The following SLC15A2 variants were observed in gnomAD, a reference collection of about 807,000 sequenced individuals.
SLC15A2 encodes solute carrier family 15 member 2, also known as kidney H(+)/peptide cotransporter.
In SLC15A2, 77 loss-of-function variants were observed where a neutral mutation model predicts 95.5. That is an observed-to-expected ratio of 0.81 (90% CI 0.67 to 0.97). The LOEUF is 0.97. Among genes scored for constraint, SLC15A2 ranks in the 50% least tolerant of loss-of-function variants. The pLI is 0.00. For missense variants in SLC15A2, 893 were observed against 874.4 expected (o/e 1.02, Z -0.27); for synonymous variants, 306 against 306.9 (o/e 1.00, Z 0.03).
chr3:121,896,314 G>A (rs2107563458), intron 1 of SLC15A2, 92 bp from the exon 2 acceptor site: 1 of 998,944 alleles, frequency 1.0e-6, no homozygotes. Flanking sequence ...AAGATGATTT[G>A]AAATAAATGA....
intron 21 of SLC15A2, 132 bp downstream of exon 21, chr3:121,940,620 C>G: frequency 1.2e-6 from 1 of 847,254 alleles, no homozygotes; most frequent in Non-Finnish European, 1.9e-6. Context: ...GTTAGATATA[C>G]AGACTTTACC....
In SLC15A2 at chr3:121,928,999, C is replaced by T. The variant is rs1237348949; in HGVS notation, c.1359C>T (p.Ser453=). ...IKSFQKTPHY[S]KLHLKTKSQD... The stretch of plus-strand genomic sequence containing the variant: ...TTTTACAGAAAACACCACACTATTC[C>T]AAACTGCACCTGAAAACAAAAAGCC... The change falls in exon 16 of 22, where the codon TCC becomes TCT. Residue 453 remains serine (S), a synonymous_variant. Coordinates refer to ENST00000489711, the MANE Select transcript of SLC15A2 (RefSeq NM_021082.4). The T allele has an allele frequency of 2.5e-6, 4 of 1,613,980 alleles. No individual in the cohort carries two copies. Among genetic ancestry groups the T allele is most frequent in the Non-Finnish European group, 3.4e-6 (4 of 1,179,934 alleles).
At position 121,915,701 on chromosome 3, in the gene SLC15A2, C is replaced by A. The variant is rs1365574281; in HGVS notation, c.697+8C>A. ...TCATGGTAATTGCACTTGGTAAGTG[C>A]AGTGAAGCAAAGGAAACTAATAATC... is the stretch of plus-strand genomic sequence containing the variant. On this transcript the variant is annotated splice_region_variant and intron_variant, in intron 7 of 21. Transcript: ENST00000489711. The A allele has an allele frequency of 6.2e-7, 1 of 1,604,754 alleles. No individual in the cohort carries two copies. The highest frequency in any genetic ancestry group is 8.5e-7 in the Non-Finnish European group (1 of 1,171,688).
At chr3:121,911,029 G>C (rs1412165621) in intron 3 of SLC15A2, among the ~76,000 whole-genome samples, 1 of 152,202 alleles carries the variant, frequency 6.6e-6, no homozygotes, top group African/African-American at 2.4e-5. Flanking sequence ...AGTTACCCAG[G>C]CTGAACCTGA....
In SLC15A2 at chr3:121,942,796, T is replaced by A. The variant is rs753762104; in HGVS notation, c.*1789T>A. 3 of 152,210 alleles carry A rather than the reference T, an allele frequency of 2.0e-5. No individual in the cohort carries two copies. The highest frequency in any genetic ancestry group is 4.4e-5 in the Non-Finnish European group (3 of 68,042). 9.4% of individuals were successfully genotyped at this position (152,210 alleles called of 1,614,324 possible). On this transcript the variant is annotated 3_prime_UTR_variant, in exon 22 of 22. Transcript: ENST00000489711. ...GTATCCTTTTCTTAACATTTGCATA[T>A]TAAAGACTCTGAGATATCCTGCAGT...
At chr3:121,908,962 C>T (rs1166340312) in intron 3 of SLC15A2, among the ~76,000 whole-genome samples, 1 of 152,064 alleles carries the variant, frequency 6.6e-6, no homozygotes. Context: ...TGCTTGAGGC[C>T]AGGAGTTTGA....
chr3:121,902,484 T>A (rs982305809), intron 3 of SLC15A2, among the ~76,000 whole-genome samples: 1 of 152,176 alleles, frequency 6.6e-6, no homozygotes, highest in Non-Finnish European at 1.5e-5. Context: ...ACATTAGGTA[T>A]TTCTCCTAAT....
chr3:121,913,235 G>T, intron 5 of SLC15A2, 115 bp downstream of exon 5: 2 of 744,606 alleles, frequency 2.7e-6, no homozygotes, highest in Non-Finnish European at 4.6e-6. Flanking sequence ...TCTTATCTGA[G>T]CAGTTGTATT....
intron 4 of SLC15A2, among the ~76,000 whole-genome samples, chr3:121,912,433 C>T (rs1000361921): frequency 2.6e-4 from 39 of 152,052 alleles, no homozygotes; most frequent in African/African-American, 9.2e-4. Flanking sequence ...GGGGTTTTAC[C>T]ATGTTGGCCA....
At chr3:121,904,938 T>G (rs1443768362) in intron 3 of SLC15A2, among the ~76,000 whole-genome samples, 2 of 152,218 alleles carry the variant, frequency 1.3e-5, no homozygotes, top group Non-Finnish European at 2.9e-5. Flanking sequence ...CAGCCCCTCT[T>G]TCTACCTCTG....
chr3:121,940,581 T>G, intron 21 of SLC15A2, 93 bp downstream of exon 21: 2 of 1,079,554 alleles, frequency 1.9e-6, no homozygotes, highest in Non-Finnish European at 2.8e-6. Flanking sequence ...CTTCCCACAT[T>G]CCCCATTCAG....
At position 121,906,224 on chromosome 3, in the gene SLC15A2, T is replaced by C. The variant is rs572979356; in HGVS notation, c.336-5350T>C. ...TTGGTAGCTTTGGTAGATCTTCCTC[T>C]ATCCCTTTATTTTGAGCCTATGTGT... is the stretch of plus-strand genomic sequence containing the variant. On this transcript the variant is annotated intron_variant, in intron 3 of 21. Coordinates refer to ENST00000489711, the MANE Select transcript of SLC15A2 (RefSeq NM_021082.4). Among the ~76,000 whole-genome samples, 13 of 152,230 alleles carry C rather than the reference T, an allele frequency of 8.5e-5. No homozygotes were observed. The South Asian group carries it at 2.7e-3, about 32-fold the overall frequency.
rs1710020221 is a variant in SLC15A2, at chr3:121,922,238, G to A, written c.716G>A (p.Ser239Asn). ...VIALVVFAMG[S>N]KIYNKPPPEG... ...ACTGCAGTTGTGTTTGCAATGGGAA[G>A]CAAAATATACAATAAACCACCCCCT... The change falls in exon 8 of 22, where the codon AGC becomes AAC. Residue 239 changes from serine (S) to asparagine (N), a missense_variant. Coordinates refer to ENST00000489711, the MANE Select transcript of SLC15A2 (RefSeq NM_021082.4). 6.2e-7 allele frequency: 1 copy of A among 1,613,656 alleles called. No homozygotes were observed. Among genetic ancestry groups the A allele is most frequent in the African/African-American group, 1.3e-5 (1 of 74,920 alleles).
intron 13 of SLC15A2, among the ~76,000 whole-genome samples, chr3:121,927,207 T>C (rs1013077172): frequency 2.0e-5 from 3 of 152,358 alleles, no homozygotes; most frequent in Middle Eastern, 3.4e-3. Context: ...AATTGTATTT[T>C]GCAATGTGAG....
chr3:121,928,614 C>A, intron 15 of SLC15A2, 59 bp downstream of exon 15: 1 of 1,548,662 alleles, frequency 6.5e-7, no homozygotes, highest in Non-Finnish European at 8.7e-7. Context: ...CTTGATTTTT[C>A]CTTAACATTA....
intron 19 of SLC15A2, among the ~76,000 whole-genome samples, chr3:121,935,078 G>A (rs1187920517): frequency 1.8e-4 from 27 of 152,066 alleles, no homozygotes; most frequent in African/African-American, 4.1e-4. Flanking sequence ...ATTGATTTTC[G>A]TATATTGAAC....
intron 3 of SLC15A2, among the ~76,000 whole-genome samples, chr3:121,900,921 A>G (rs1396446271): frequency 6.6e-6 from 1 of 150,752 alleles, no homozygotes; most frequent in Non-Finnish European, 1.5e-5. Context: ...CACTTAGAGG[A>G]CAAAGTCATT....
intron 3 of SLC15A2, among the ~76,000 whole-genome samples, chr3:121,905,511 C>T (rs1318202575): frequency 6.6e-6 from 1 of 152,200 alleles, no homozygotes; most frequent in Admixed American, 6.5e-5. Flanking sequence ...CCTCTACACA[C>T]TGCTTTAAAT....
At position 121,928,526 on chromosome 3, in the gene SLC15A2, C is replaced by T; in HGVS notation, c.1312C>T (p.Leu438=). The part of the protein sequence containing the change: ...VTVVGNENNS[L]LIESIKSFQK... ...AGTGGTGGGAAATGAAAACAATTCT[C>T]TGTTGATAGAGTCCATCAAATCCTT... The change falls in exon 15 of 22, where the codon CTG becomes TTG. Residue 438 remains leucine (L), a synonymous_variant. Transcript: ENST00000489711. 6.2e-7 allele frequency: 1 copy of T among 1,614,100 alleles called. No homozygotes were observed. Among genetic ancestry groups the T allele is most frequent in the Non-Finnish European group, 8.5e-7 (1 of 1,179,968 alleles).
Sources: allele counts gnomAD v4.1 joint callset (sites outside exome capture counted in the v4.1 genomes callset), GRCh38; gene constraint gnomAD v4.1.1; transcripts MANE v1.5; gene names NCBI Gene and HGNC (gene_info 2026-07-23, HGNC 2026-07-21).